TNFRSF21: variants seen among roughly 807,000 people sequenced by gnomAD.
TNFRSF21 encodes TNF receptor superfamily member 21.
In TNFRSF21, 19 loss-of-function variants were observed where a neutral mutation model predicts 45.6. The ratio of observed to expected loss-of-function variants is 0.42; its 90% CI spans 0.29 to 0.61. The LOEUF (loss-of-function observed/expected upper bound fraction) is 0.61. Ranked by LOEUF, TNFRSF21 falls within the 20% of genes least tolerant of loss-of-function variation. The pLI, the probability that TNFRSF21 is intolerant of heterozygous loss-of-function variation, is 0.23. For missense variants in TNFRSF21, 737 were observed against 851.5 expected (o/e 0.87, Z 1.67); for synonymous variants, 314 against 335.5 (o/e 0.94, Z 0.70).
chr6:47,279,407 T>C (rs549463168), intron 3 of TNFRSF21, among the ~76,000 whole-genome samples: 73 of 152,330 alleles, frequency 4.8e-4, no homozygotes, highest in African/African-American at 1.6e-3. Context: ...TTTTGTAGCC[T>C]CCATAGCTCT....
chr6:47,309,009 C>A (rs1355358561), intron 1 of TNFRSF21, among the ~76,000 whole-genome samples: 1 of 152,130 alleles, frequency 6.6e-6, no homozygotes, highest in African/African-American at 2.4e-5. Context: ...GCCGTGGGAG[C>A]CCCACACCGC....
chr6:47,251,718 C>A (rs966230998), intron 4 of TNFRSF21, among the ~76,000 whole-genome samples: 18 of 152,186 alleles, frequency 1.2e-4, no homozygotes, highest in African/African-American at 4.3e-4. Context: ...TCTAAGAATG[C>A]GTGGCAATGC....
intron 1 of TNFRSF21, among the ~76,000 whole-genome samples, chr6:47,290,200 T>C (rs1762703203): frequency 1.3e-5 from 2 of 152,072 alleles, no homozygotes; most frequent in African/African-American, 4.8e-5. Context: ...TACACTTCAA[T>C]TAAGAAAGAA....
At chr6:47,264,723 A>G (rs548170566) in intron 3 of TNFRSF21, among the ~76,000 whole-genome samples, 80 of 152,214 alleles carry the variant, frequency 5.3e-4, no homozygotes, top group African/African-American at 1.8e-3. Context: ...ATAATCCTCA[A>G]ACACCCTAAG....
intron 1 of TNFRSF21, among the ~76,000 whole-genome samples, chr6:47,298,154 T>A (rs1426034016): frequency 6.6e-6 from 1 of 151,940 alleles, no homozygotes; most frequent in African/African-American, 2.4e-5. Context: ...CCTGATCTAG[T>A]CCCATGAGAT....
intron 1 of TNFRSF21, among the ~76,000 whole-genome samples, chr6:47,307,798 C>T (rs1009393246): frequency 2.6e-5 from 4 of 152,132 alleles, no homozygotes; most frequent in African/African-American, 9.7e-5. Flanking sequence ...TGGAGTATTG[C>T]ACAATGACTT....
intron 3 of TNFRSF21, among the ~76,000 whole-genome samples, chr6:47,270,339 T>G (rs573000785): frequency 6.6e-5 from 10 of 152,330 alleles, no homozygotes; most frequent in African/African-American, 2.2e-4. Flanking sequence ...TTTGCCGTTC[T>G]GCAACATCCA....
intron 4 of TNFRSF21, among the ~76,000 whole-genome samples, chr6:47,245,527 T>C (rs1423668006): frequency 6.6e-6 from 1 of 151,966 alleles, no homozygotes; most frequent in Non-Finnish European, 1.5e-5. Context: ...ATCTGTTTCC[T>C]AGACTTTTCT....
At chr6:47,269,906 C>G (rs955700464) in intron 3 of TNFRSF21, among the ~76,000 whole-genome samples, 1 of 152,196 alleles carries the variant, frequency 6.6e-6, no homozygotes, top group African/African-American at 2.4e-5. Context: ...CAGACTTGGA[C>G]ATTGCCTTTC....
intron 3 of TNFRSF21, among the ~76,000 whole-genome samples, chr6:47,271,270 T>C (rs1353781165): frequency 6.6e-6 from 1 of 152,124 alleles, no homozygotes; most frequent in Non-Finnish European, 1.5e-5. Context: ...GAGAGAAAGG[T>C]CAGGTTACCC....
intron 1 of TNFRSF21, among the ~76,000 whole-genome samples, chr6:47,291,378 G>A (rs963010425): frequency 2.0e-5 from 3 of 152,220 alleles, no homozygotes; most frequent in Non-Finnish European, 4.4e-5. Context: ...AGCAGAGGGT[G>A]AAAGGGGTAT....
At chr6:47,288,582 AAAAG>A (rs1354247035) in intron 1 of TNFRSF21, among the ~76,000 whole-genome samples, 5,502 of 152,010 alleles carry the variant, frequency 0.036, 305 homozygotes, top group African/African-American at 0.13. Context: ...ATAAAAAAAA[AAAAG>A]AAAAAGAAAA....
At chr6:47,238,907 C>G (rs749146377) in intron 4 of TNFRSF21, among the ~76,000 whole-genome samples, 2 of 152,174 alleles carry the variant, frequency 1.3e-5, no homozygotes, top group Non-Finnish European at 2.9e-5. Flanking sequence ...CCATTTCCAG[C>G]TGTGTCCTTG....
intron 1 of TNFRSF21, among the ~76,000 whole-genome samples, chr6:47,298,692 A>G (rs1226874849): frequency 2.6e-5 from 4 of 152,200 alleles, no homozygotes; most frequent in Admixed American, 2.0e-4. Flanking sequence ...GGCTGCTCTC[A>G]CCATTCAAAC....
intron 1 of TNFRSF21, among the ~76,000 whole-genome samples, chr6:47,289,390 C>T (rs1289639236): frequency 6.6e-6 from 1 of 152,146 alleles, no homozygotes; most frequent in Non-Finnish European, 1.5e-5. Flanking sequence ...AGCTGCCTAT[C>T]TAGTTAAATA....
chr6:47,238,440 CAT>C (rs1764695442), intron 4 of TNFRSF21, among the ~76,000 whole-genome samples: 1 of 152,214 alleles, frequency 6.6e-6, no homozygotes, highest in Admixed American at 6.5e-5. Context: ...TTGGAAGACT[CAT>C]GTGAGAAATG....
chr6:47,299,733 C>T lies in TNFRSF21; in HGVS notation c.96+9683G>A, dbSNP rs1382922355. ...AAATTCAAATTTGCACCCAAGGACC[C>T]TGACATATCTATATTAAAGCAGCAT... is the stretch of plus-strand genomic sequence containing the variant. On this transcript the variant is annotated intron_variant, in intron 1 of 5. Transcript: ENST00000296861. Among the ~76,000 whole-genome samples the T allele has an allele frequency of 2.6e-5, 4 of 152,226 alleles. No homozygotes were observed. The South Asian group carries it at 6.2e-4, about 24-fold the overall frequency.
chr6:47,277,149 A>G (rs1762511035), intron 3 of TNFRSF21, among the ~76,000 whole-genome samples: 1 of 152,102 alleles, frequency 6.6e-6, no homozygotes, highest in Non-Finnish European at 1.5e-5. Context: ...GCCCGCCACC[A>G]CGCCTGGTTA....
At chr6:47,265,726 CAGA>C (rs1762323085) in intron 3 of TNFRSF21, among the ~76,000 whole-genome samples, 1 of 152,210 alleles carries the variant, frequency 6.6e-6, no homozygotes, top group Admixed American at 6.5e-5. Flanking sequence ...AACAATGTAG[CAGA>C]AGAAGCCTTT....
Sources: gnomAD v4.1 joint callset for allele counts (sites outside exome capture counted in the v4.1 genomes callset) on GRCh38, gnomAD v4.1.1 for gene constraint, MANE v1.5 for transcripts, NCBI Gene and HGNC (gene_info 2026-07-23, HGNC 2026-07-21) for gene names.